Variants in SCFD2 observed in about 807,000 individuals in gnomAD.
SCFD2 encodes sec1 family domain containing 2.
In SCFD2, 54 loss-of-function variants were observed where a neutral mutation model predicts 58.9. That is an observed-to-expected ratio of 0.92 (90% confidence interval 0.74 to 1.15). SCFD2 has a LOEUF of 1.15. Ranked by LOEUF, SCFD2 falls within the 50% of genes most tolerant of loss-of-function variation. The probability of loss-of-function intolerance (pLI) is 0.00; values close to 1 mark genes in which losing one functional copy is unlikely to be tolerated. For synonymous variants in SCFD2, 321 were observed against 335.9 expected, an observed-to-expected ratio of 0.96 and a Z score of 0.49; for missense variants, 805 against 836.6, an observed-to-expected ratio of 0.96 and a Z score of 0.47.
rs553029611 is a variant in SCFD2 at position 52,911,104 on chromosome 4, G to C, written c.1708-3513C>G. ...ATAAGATGTCCTGTACAAAAAGGAAGAGTAGTGATTCTGAAAAAGAGATCA... is the reference window on the plus strand; with the variant it reads ...ATAAGATGTCCTGTACAAAAAGGAACAGTAGTGATTCTGAAAAAGAGATCA... On this transcript the variant is annotated intron_variant, in intron 6 of 8. Coordinates refer to ENST00000401642, the MANE Select transcript of SCFD2 (RefSeq NM_152540.4). Among the ~76,000 whole-genome samples the C allele has an allele frequency of 2.0e-4, 31 of 152,104 alleles. 1 individual carries two copies. The South Asian group carries it at 6.0e-3, about 30-fold the overall frequency.
At chr4:53,359,161 A>G (rs1734482458) in intron 1 of SCFD2, among the ~76,000 whole-genome samples, 1 of 152,226 alleles carries the variant, frequency 6.6e-6, no homozygotes, top group African/African-American at 2.4e-5. Context: ...AAACTTGTCT[A>G]CATTGTAAAC....
intron 6 of SCFD2, among the ~76,000 whole-genome samples, chr4:52,916,948 A>G (rs1025164671): frequency 3.9e-5 from 6 of 152,214 alleles, no homozygotes; most frequent in African/African-American, 1.4e-4. Flanking sequence ...CCCAGGCTAG[A>G]GTACAGTAGC....
At chr4:53,111,152 CAG>C (rs1439059802) in intron 5 of SCFD2, among the ~76,000 whole-genome samples, 1 of 151,758 alleles carries the variant, frequency 6.6e-6, no homozygotes, top group African/African-American at 2.4e-5. Context: ...CATATGGACA[CAG>C]GGAGGGGAAC....
intron 2 of SCFD2, among the ~76,000 whole-genome samples, chr4:53,323,556 T>C (rs1577966923): frequency 2.1e-5 from 3 of 143,802 alleles, no homozygotes; most frequent in African/African-American, 7.7e-5. Flanking sequence ...TTTTTTTTTT[T>C]ACTTTTTGCG....
At chr4:52,979,285 T>C (rs1288375702) in intron 5 of SCFD2, among the ~76,000 whole-genome samples, 1 of 151,994 alleles carries the variant, frequency 6.6e-6, no homozygotes, top group East Asian at 1.9e-4. Context: ...CCCACTCTTT[T>C]CTCTCTCTTC....
At chr4:53,163,285 C>A (rs60233651) in intron 4 of SCFD2, among the ~76,000 whole-genome samples, 5,408 of 152,296 alleles carry the variant, frequency 0.036, 330 homozygotes, top group African/African-American at 0.12. Context: ...AGGAAGGTAG[C>A]AAATTGCCTT....
At chr4:53,064,278 T>A (rs1723595407) in intron 5 of SCFD2, among the ~76,000 whole-genome samples, 1 of 151,946 alleles carries the variant, frequency 6.6e-6, no homozygotes, top group South Asian at 2.1e-4. Context: ...CCTTCCACCC[T>A]CCCCCTCTAG....
intron 7 of SCFD2, among the ~76,000 whole-genome samples, chr4:52,898,590 G>A (rs1185052908): frequency 6.6e-6 from 1 of 152,190 alleles, no homozygotes; most frequent in Non-Finnish European, 1.5e-5. Flanking sequence ...GTCAATTTTG[G>A]AATAGGTGTG....
chr4:53,211,072 G>A (rs1427710520), intron 4 of SCFD2, among the ~76,000 whole-genome samples: 1 of 151,798 alleles, frequency 6.6e-6, no homozygotes, highest in East Asian at 1.9e-4. Flanking sequence ...GTGAAACCCT[G>A]TCTCTACTAA....
At chr4:53,133,124 C>T (rs1269590828) in intron 5 of SCFD2, among the ~76,000 whole-genome samples, 2 of 151,924 alleles carry the variant, frequency 1.3e-5, no homozygotes, top group African/African-American at 2.4e-5. Flanking sequence ...GTCAGGAGAT[C>T]GAGACCATCC....
chr4:52,922,616 T>C (rs1235680586), intron 5 of SCFD2, among the ~76,000 whole-genome samples: 1 of 152,264 alleles, frequency 6.6e-6, no homozygotes, highest in African/African-American at 2.4e-5. Flanking sequence ...TATCGGTTAA[T>C]GGACATTTGG....
intron 5 of SCFD2, among the ~76,000 whole-genome samples, chr4:53,080,346 CT>C (rs1724104557): frequency 6.6e-6 from 1 of 152,100 alleles, no homozygotes; most frequent in Admixed American, 6.6e-5. Context: ...AGAAGAGATG[CT>C]TGGGCAAAAC....
chr4:53,340,550 C>A (rs1160243928), intron 2 of SCFD2, among the ~76,000 whole-genome samples: 1 of 152,210 alleles, frequency 6.6e-6, no homozygotes, highest in Non-Finnish European at 1.5e-5. Context: ...CATAGCTGAA[C>A]AAAAGGCAGC....
chr4:53,220,060 T>A (rs1378493601), intron 4 of SCFD2, among the ~76,000 whole-genome samples: 1 of 152,164 alleles, frequency 6.6e-6, no homozygotes, highest in East Asian at 1.9e-4. Context: ...GCCTCATGGT[T>A]CACTCCCTCT....
intron 5 of SCFD2, among the ~76,000 whole-genome samples, chr4:53,077,978 T>C (rs1361079546): frequency 2.6e-5 from 4 of 152,182 alleles, no homozygotes; most frequent in Admixed American, 6.5e-5. Flanking sequence ...GTATGATTAA[T>C]GTTAAGCTCC....
At chr4:52,950,720 A>C (rs1447230222) in intron 5 of SCFD2, 1 of 152,098 alleles carries the variant, frequency 6.6e-6, no homozygotes. Flanking sequence ...AATGGAGTTT[A>C]AAGAGACTTG....
At chr4:52,998,719 G>C (rs1290355284) in intron 5 of SCFD2, among the ~76,000 whole-genome samples, 1 of 152,128 alleles carries the variant, frequency 6.6e-6, no homozygotes, top group Non-Finnish European at 1.5e-5. Context: ...CAAATGGACT[G>C]CGCATTTACT....
At chr4:53,146,449 C>A (rs1161945976) in intron 4 of SCFD2, among the ~76,000 whole-genome samples, 1 of 152,074 alleles carries the variant, frequency 6.6e-6, no homozygotes, top group Non-Finnish European at 1.5e-5. Flanking sequence ...ATATTCAATA[C>A]AAATTGAATA....
At chr4:53,248,021 C>A (rs1730168763) in intron 4 of SCFD2, among the ~76,000 whole-genome samples, 3 of 152,320 alleles carry the variant, frequency 2.0e-5, no homozygotes, top group African/African-American at 7.2e-5. Context: ...CTGGGTTCAT[C>A]TCACTAGGGA....
Sources: gnomAD v4.1 joint callset for allele counts (sites outside exome capture counted in the v4.1 genomes callset) on GRCh38, gnomAD v4.1.1 for gene constraint, MANE v1.5 for transcripts, NCBI Gene and HGNC (gene_info 2026-07-23, HGNC 2026-07-21) for gene names.